The following STK32B variants were observed in gnomAD, a reference collection of about 807,000 sequenced individuals.
STK32B encodes the protein serine/threonine kinase 32B.
STK32B carries 43 observed loss-of-function variants against 52.6 expected under a neutral mutation model. The observed-to-expected ratio is 0.82, with a 90% CI of 0.64 to 1.05. The LOEUF is 1.05. Among genes scored for constraint, STK32B ranks in the 50% least tolerant of loss-of-function variants. The probability of loss-of-function intolerance (pLI) is 0.00; values close to 1 mark genes in which losing one functional copy is unlikely to be tolerated. For missense variants in STK32B, 621 were observed against 534.6 expected (o/e 1.16, Z -1.59); for synonymous variants, 238 against 204.3 (o/e 1.17, Z -1.41).
intron 1 of STK32B, among the ~76,000 whole-genome samples, chr4:5,088,304 C>G (rs193011729): frequency 6.6e-6 from 1 of 151,994 alleles, no homozygotes; most frequent in Admixed American, 6.5e-5. Context: ...CAATTGAACT[C>G]ATGGACATAG....
At chr4:5,273,868 C>T (rs1337481575) in intron 3 of STK32B, among the ~76,000 whole-genome samples, 2 of 145,688 alleles carry the variant, frequency 1.4e-5, no homozygotes, top group Non-Finnish European at 3.0e-5. Context: ...GGAGGGATAG[C>T]ATTGGAAGAT....
rs1051820927 is a variant in STK32B at position 5,439,872 on chromosome 4, A to G, written c.563-6801A>G. On this transcript the variant is annotated intron_variant, in intron 6 of 11. Coordinates refer to ENST00000282908, the MANE Select transcript of STK32B (RefSeq NM_018401.3). Reference sequence around the variant, plus strand: ...TTATTAAATAGGGAATCCTTTCCCCATTGCTTGTTTTTCTCAGGTTTGTCA... The same window carrying G: ...TTATTAAATAGGGAATCCTTTCCCCGTTGCTTGTTTTTCTCAGGTTTGTCA... Among the ~76,000 whole-genome samples, 4 of 152,094 alleles carry G rather than the reference A, an allele frequency of 2.6e-5. No homozygotes were observed. In the East Asian group the frequency reaches 7.7e-4, roughly 29 times the overall value.
chr4:5,262,969 A>T (rs1726821972), intron 3 of STK32B, among the ~76,000 whole-genome samples: 1 of 152,140 alleles, frequency 6.6e-6, no homozygotes, highest in Non-Finnish European at 1.5e-5. Flanking sequence ...CTCAGATATC[A>T]ACTATCCCCT....
At chr4:5,315,750 G>T (rs1178998095) in intron 3 of STK32B, among the ~76,000 whole-genome samples, 1 of 150,906 alleles carries the variant, frequency 6.6e-6, no homozygotes, top group Non-Finnish European at 1.5e-5. Flanking sequence ...CAGTGCCCAG[G>T]CTGGAGTGCA....
At chr4:5,195,311 G>A (rs761051339) in intron 3 of STK32B, among the ~76,000 whole-genome samples, 6 of 152,154 alleles carry the variant, frequency 3.9e-5, no homozygotes, top group Non-Finnish European at 7.3e-5. Flanking sequence ...TTTATAAAAT[G>A]TATCAGATTT....
At position 5,180,755 on chromosome 4, in the gene STK32B, G is replaced by A. The variant is rs948435421; in HGVS notation, c.260+12305G>A. ...GGAAACCCTGACTGTACACCTTCTC[G>A]TTATTCTTTTTTGCTGACGTGCTCT... On this transcript the variant is annotated intron_variant, in intron 3 of 11. Coordinates refer to ENST00000282908, the MANE Select transcript of STK32B (RefSeq NM_018401.3). Among the ~76,000 whole-genome samples the A allele has an allele frequency of 6.6e-5, 10 of 152,230 alleles. No individual in the cohort carries two copies. In the South Asian group the frequency reaches 1.5e-3, roughly 22 times the overall value.
At chr4:5,124,072 T>G (rs1715218260) in intron 1 of STK32B, among the ~76,000 whole-genome samples, 1 of 152,116 alleles carries the variant, frequency 6.6e-6, no homozygotes, top group Admixed American at 6.5e-5. Flanking sequence ...TATCATCTAT[T>G]CAAAAAGTAG....
At chr4:5,304,136 GCT>G (rs1729757822) in intron 3 of STK32B, among the ~76,000 whole-genome samples, 1 of 152,002 alleles carries the variant, frequency 6.6e-6, no homozygotes, top group African/African-American at 2.4e-5. Context: ...TGTTCTTTTG[GCT>G]TAGTCTTGCT....
intron 3 of STK32B, among the ~76,000 whole-genome samples, chr4:5,313,066 C>T (rs187186850): frequency 6.6e-6 from 1 of 151,100 alleles, no homozygotes. Context: ...ATGCAAAAAT[C>T]TCAACAAAAA....
chr4:5,499,743 T>G lies in STK32B; in HGVS notation c.*660T>G, dbSNP rs1444186270. 1 of 152,334 alleles carries G rather than the reference T, an allele frequency of 6.6e-6. No individual in the cohort carries two copies. Among genetic ancestry groups the G allele is most frequent in the East Asian group, 1.9e-4 (1 of 5,190 alleles). 9.4% of individuals were successfully genotyped at this position (152,334 alleles called of 1,614,324 possible). A position where few individuals can be genotyped will look rare whatever the true frequency, so the allele number is the denominator to read the frequency against. On this transcript the variant is annotated 3_prime_UTR_variant, in exon 12 of 12. Transcript: ENST00000282908. Reference sequence around the variant, plus strand: ...CTCCTCCCCTCATTTAAGAAGACTATCCTTACCTTTTAGTTTCAGCAGTCC... The same window carrying G: ...CTCCTCCCCTCATTTAAGAAGACTAGCCTTACCTTTTAGTTTCAGCAGTCC...
chr4:5,119,324 C>A lies in STK32B; in HGVS notation c.53-20581C>A, dbSNP rs78973103. Reference sequence around the variant, plus strand: ...CAGGGGAAACTTGATATTCTCTTAGCTGGAAGGACTCAAGGAAGGAACTAG... The same window carrying A: ...CAGGGGAAACTTGATATTCTCTTAGATGGAAGGACTCAAGGAAGGAACTAG... On this transcript the variant is annotated intron_variant, in intron 1 of 11. Coordinates refer to ENST00000282908, the MANE Select transcript of STK32B (RefSeq NM_018401.3). 3.6e-3 allele frequency among the ~76,000 whole-genome samples: 543 copies of A among 152,360 alleles called. 17 individuals are homozygous for A. The East Asian group carries it at 0.079, about 22-fold the overall frequency.
At chr4:5,048,356 G>A (rs1348290312), upstream of STK32B, among the ~76,000 whole-genome samples, 8 of 147,472 alleles carry the variant, frequency 5.4e-5, no homozygotes, top group Non-Finnish European at 8.9e-5. Flanking sequence ...GCTGGAGTGC[G>A]ATGGCGCGAT....
chr4:5,406,634 C>A (rs1385320280), intron 5 of STK32B, among the ~76,000 whole-genome samples: 1 of 152,164 alleles, frequency 6.6e-6, no homozygotes, highest in South Asian at 2.1e-4. Flanking sequence ...TGGAAACTGC[C>A]AAGGCTTATG....
At chr4:5,061,066 C>G (rs1169942202) in intron 1 of STK32B, among the ~76,000 whole-genome samples, 2 of 152,134 alleles carry the variant, frequency 1.3e-5, no homozygotes, top group Admixed American at 6.5e-5. Flanking sequence ...TTTATTTTGT[C>G]ATTTAACATT....
chr4:5,312,321 G>A lies in STK32B; in HGVS notation c.261-18899G>A, dbSNP rs1310309942. On this transcript the variant is annotated intron_variant, in intron 3 of 11. Coordinates refer to ENST00000282908, the MANE Select transcript of STK32B (RefSeq NM_018401.3). ...TTGTTATTATACTTTAAGTTTTAGG[G>A]TACATGTGCACAATGTGCAGGTAGT... 8.6e-5 allele frequency among the ~76,000 whole-genome samples: 13 copies of A among 150,884 alleles called. 1 individual carries two copies. The highest frequency in any genetic ancestry group is 8.6e-4 in the Admixed American group (13 of 15,136).
intron 11 of STK32B, among the ~76,000 whole-genome samples, chr4:5,479,001 C>A (rs901041587): frequency 2.0e-5 from 3 of 152,236 alleles, no homozygotes; most frequent in African/African-American, 7.2e-5. Context: ...CCCAGGCTGA[C>A]AAGAGTTGGA....
At chr4:5,334,865 T>A (rs1266101733) in intron 4 of STK32B, among the ~76,000 whole-genome samples, 1 of 152,100 alleles carries the variant, frequency 6.6e-6, no homozygotes, top group Non-Finnish European at 1.5e-5. Context: ...GATGTGCTGC[T>A]GGATTCGGTT....
rs561136044 is a variant in STK32B at position 5,369,725 on chromosome 4, C to G, written c.435-28482C>G. ...GGGTGAATGGTTGCCAGGCATCAGA[C>G]CAATTGTGCCAAGATTTGATGCATC... On this transcript the variant is annotated intron_variant, in intron 4 of 11. Transcript: ENST00000282908. 6.6e-5 allele frequency among the ~76,000 whole-genome samples: 10 copies of G among 152,224 alleles called. No homozygotes were observed. The East Asian group carries it at 1.9e-3, about 29-fold the overall frequency.
chr4:5,289,054 A>G (rs1728720352), intron 3 of STK32B, among the ~76,000 whole-genome samples: 1 of 152,216 alleles, frequency 6.6e-6, no homozygotes, highest in South Asian at 2.1e-4. Context: ...TCATTGGGCT[A>G]TTGCAGCACT....
Sources: allele counts gnomAD v4.1 joint callset (sites outside exome capture counted in the v4.1 genomes callset), GRCh38; gene constraint gnomAD v4.1.1; transcripts MANE v1.5; gene names NCBI Gene and HGNC (gene_info 2026-07-23, HGNC 2026-07-21).